The following DPY19L1 variants were observed in gnomAD, a reference collection of about 807,000 sequenced individuals.
DPY19L1 encodes protein C-mannosyl-transferase DPY19L1.
DPY19L1 carries 35 observed loss-of-function variants against 96.9 expected under a neutral mutation model. That is an observed-to-expected ratio of 0.36 (90% CI 0.28 to 0.48). The LOEUF (loss-of-function observed/expected upper bound fraction) is 0.48. Among genes scored for constraint, DPY19L1 ranks in the 20% least tolerant of loss-of-function variants. The probability of loss-of-function intolerance (pLI) is 0.99; values close to 1 mark genes in which losing one functional copy is unlikely to be tolerated. For missense variants in DPY19L1, 521 were observed against 777.9 expected (o/e 0.67, Z 3.93); for synonymous variants, 205 against 252.6 (o/e 0.81, Z 1.79).
intron 1 of DPY19L1, among the ~76,000 whole-genome samples, chr7:35,031,735 T>G (rs766366800): frequency 6.6e-6 from 1 of 152,360 alleles, no homozygotes; most frequent in South Asian, 2.1e-4. Flanking sequence ...AAATTTGTTA[T>G]TTGGATGCTA....
chr7:34,984,405 C>T (rs1785004140), intron 7 of DPY19L1, among the ~76,000 whole-genome samples: 1 of 152,166 alleles, frequency 6.6e-6, no homozygotes. Flanking sequence ...ATAGTCCTTT[C>T]TGGAAACAGA....
At chr7:34,951,908 G>A (rs969333693) in intron 13 of DPY19L1, among the ~76,000 whole-genome samples, 5 of 151,484 alleles carry the variant, frequency 3.3e-5, no homozygotes, top group African/African-American at 1.2e-4. Flanking sequence ...AGGTAAAATG[G>A]ATACATTTCT....
At chr7:34,979,948 A>G (rs1784905230) in intron 7 of DPY19L1, among the ~76,000 whole-genome samples, 1 of 152,124 alleles carries the variant, frequency 6.6e-6, no homozygotes, top group African/African-American at 2.4e-5. Flanking sequence ...AAGGACCTGG[A>G]ATAGCTATGG....
At chr7:34,934,657 T>G (rs1014527986) in intron 21 of DPY19L1, among the ~76,000 whole-genome samples, 4 of 152,120 alleles carry the variant, frequency 2.6e-5, no homozygotes, top group African/African-American at 9.7e-5. Context: ...TGGGATGAAA[T>G]TGTTTCACCT....
intron 21 of DPY19L1, among the ~76,000 whole-genome samples, chr7:34,936,877 A>G (rs1392216812): frequency 6.6e-6 from 1 of 152,230 alleles, no homozygotes; most frequent in East Asian, 1.9e-4. Flanking sequence ...TCTTAATACC[A>G]TATGTGTCAT....
intron 1 of DPY19L1, among the ~76,000 whole-genome samples, chr7:35,033,868 A>T (rs1258344674): frequency 6.6e-6 from 1 of 152,012 alleles, no homozygotes; most frequent in East Asian, 1.9e-4. Context: ...CAAAATCTGG[A>T]GACATTTTCG....
chr7:35,003,372 A>G (rs1293010822), intron 6 of DPY19L1, among the ~76,000 whole-genome samples: 3 of 152,180 alleles, frequency 2.0e-5, no homozygotes, highest in African/African-American at 4.8e-5. Flanking sequence ...AGAACCAAGT[A>G]CTGACTCATG....
intron 6 of DPY19L1, among the ~76,000 whole-genome samples, chr7:35,004,711 T>G (rs1252192964): frequency 6.6e-6 from 1 of 152,224 alleles, no homozygotes; most frequent in Non-Finnish European, 1.5e-5. Context: ...ATGATAGCAA[T>G]GCATAAAATA....
chr7:34,985,360 A>C (rs531346763), intron 7 of DPY19L1, among the ~76,000 whole-genome samples: 6 of 152,178 alleles, frequency 3.9e-5, no homozygotes, highest in Non-Finnish European at 2.9e-5. Flanking sequence ...TCTGCACAAC[A>C]AAGGAAATAA....
intron 5 of DPY19L1, among the ~76,000 whole-genome samples, chr7:35,010,889 G>A (rs1279081994): frequency 6.6e-6 from 1 of 152,160 alleles, no homozygotes; most frequent in African/African-American, 2.4e-5. Context: ...GACTTCTGAG[G>A]CTAGGTCATA....
At position 34,941,887 on chromosome 7, in the gene DPY19L1, G is replaced by A; in HGVS notation, c.1570-3C>T. 1.9e-6 allele frequency: 3 copies of A among 1,563,194 alleles called. No individual in the cohort carries two copies. Among genetic ancestry groups the A allele is most frequent in the Non-Finnish European group, 8.6e-7 (1 of 1,161,366 alleles). ...AATTGCAATGCATGGTAAACCAGCT[G>A]AAAGAAAGAAGAAAATGTTTTTTAC... On this transcript the variant is annotated splice_polypyrimidine_tract_variant and splice_region_variant and intron_variant, in intron 17 of 21. Coordinates refer to ENST00000638088, the MANE Select transcript of DPY19L1 (RefSeq NM_001366673.1).
Position 34,947,813 on chromosome 7 carries a change from C to T in DPY19L1, c.1423-112G>A. On this transcript the variant is annotated intron_variant, in intron 14 of 21. Coordinates refer to ENST00000638088, the MANE Select transcript of DPY19L1 (RefSeq NM_001366673.1). ...AAAGTAGAGAAATATGAACATTCACCAATCTACTCACTGACTGCCATCATA... is the reference window on the plus strand; with the variant it reads ...AAAGTAGAGAAATATGAACATTCACTAATCTACTCACTGACTGCCATCATA... 4 of 797,054 alleles carry T rather than the reference C, an allele frequency of 5.0e-6. No homozygotes were observed. The South Asian group carries it at 5.3e-5, about 11-fold the overall frequency. 49.4% of individuals were successfully genotyped at this position (797,054 alleles called of 1,614,324 possible). A position where few individuals can be genotyped will look rare whatever the true frequency, so the allele number is the denominator to read the frequency against.
intron 6 of DPY19L1, among the ~76,000 whole-genome samples, chr7:34,997,240 T>A (rs1212413180): frequency 6.6e-6 from 1 of 150,766 alleles, no homozygotes. Flanking sequence ...CATACACAAC[T>A]GCTAGACCAA....
chr7:34,983,839 T>C (rs1351262656), intron 7 of DPY19L1, among the ~76,000 whole-genome samples: 1 of 152,084 alleles, frequency 6.6e-6, no homozygotes, highest in Non-Finnish European at 1.5e-5. Flanking sequence ...TTTCCAAAAC[T>C]GATTAAAAAT....
At position 35,017,959 on chromosome 7, in the gene DPY19L1, T is replaced by C. The variant is rs754098319; in HGVS notation, c.334A>G (p.Thr112Ala). 1 of 1,603,262 alleles carries C rather than the reference T, an allele frequency of 6.2e-7. No individual in the cohort carries two copies. Among genetic ancestry groups the C allele is most frequent in the Non-Finnish European group, 8.5e-7 (1 of 1,174,494 alleles). The change falls in exon 3 of 22, where the codon ACA becomes GCA. Residue 112 changes from threonine (T) to alanine (A), a missense_variant. By Grantham distance (58) the Thr-to-Ala change is moderately conservative. Transcript: ENST00000638088. Reference sequence around the variant, plus strand: ...TGACGGTCATTTTCAAAGAGGTGTGTTATATGGCTCCTGGAAAAACAAAAC... The same window carrying C: ...TGACGGTCATTTTCAAAGAGGTGTGCTATATGGCTCCTGGAAAAACAAAAC... Reference protein sequence around the residue: ...FAAVLHWSHITHLFENDRHFS... With the variant: ...FAAVLHWSHIAHLFENDRHFS...
chr7:35,013,339 TA>T (rs1785760348), intron 4 of DPY19L1, among the ~76,000 whole-genome samples: 1 of 152,192 alleles, frequency 6.6e-6, no homozygotes, highest in Non-Finnish European at 1.5e-5. Context: ...ATCTAGTTTT[TA>T]TATTTTCTAA....
intron 13 of DPY19L1, among the ~76,000 whole-genome samples, chr7:34,952,139 A>G (rs527652436): frequency 6.6e-6 from 1 of 151,302 alleles, no homozygotes; most frequent in South Asian, 2.1e-4. Flanking sequence ...CAAAAAAAAA[A>G]CCCACAACAG....
At chr7:34,971,086 T>C (rs1480324622) in intron 8 of DPY19L1, among the ~76,000 whole-genome samples, 1 of 152,120 alleles carries the variant, frequency 6.6e-6, no homozygotes, top group African/African-American at 2.4e-5. Context: ...AGCTTCTTCT[T>C]GCCTCCACCA....
chr7:34,970,738 C>A (rs755785970), intron 8 of DPY19L1, among the ~76,000 whole-genome samples: 1 of 151,356 alleles, frequency 6.6e-6, no homozygotes, highest in Non-Finnish European at 1.5e-5. Context: ...ATAAAGAATG[C>A]GCTGTGGGGA....
Sources: allele counts gnomAD v4.1 joint callset (sites outside exome capture counted in the v4.1 genomes callset), GRCh38; gene constraint gnomAD v4.1.1; transcripts MANE v1.5; gene names NCBI Gene and HGNC (gene_info 2026-07-23, HGNC 2026-07-21).